ARHGAP42: variants seen among roughly 807,000 people sequenced by gnomAD.
The protein encoded by ARHGAP42 is Rho GTPase activating protein 42, also known as rho GTPase-activating protein 42.
ARHGAP42 carries 63 observed loss-of-function variants against 125.0 expected under a neutral mutation model. The ratio of observed to expected loss-of-function variants is 0.50; its 90% CI spans 0.41 to 0.62. The LOEUF (loss-of-function observed/expected upper bound fraction) is 0.62. Ranked by LOEUF, ARHGAP42 falls within the 20% of genes least tolerant of loss-of-function variation. The probability of loss-of-function intolerance (pLI) is 0.00; values close to 1 mark genes in which losing one functional copy is unlikely to be tolerated. For missense variants in ARHGAP42, 766 were observed against 1,024.2 expected, an observed-to-expected ratio of 0.75 and a Z score of 3.44; for synonymous variants, 339 against 351.0, an observed-to-expected ratio of 0.97 and a Z score of 0.38.
chr11:100,742,635 G>C (rs1374721892), intron 1 of ARHGAP42, among the ~76,000 whole-genome samples: 1 of 151,988 alleles, frequency 6.6e-6, no homozygotes, highest in Non-Finnish European at 1.5e-5. Flanking sequence ...TCTGTATTCT[G>C]ATCTCCTTAG....
chr11:100,688,483 T>C (rs1393812777), intron 1 of ARHGAP42, among the ~76,000 whole-genome samples: 1 of 152,216 alleles, frequency 6.6e-6, no homozygotes, highest in Non-Finnish European at 1.5e-5. Flanking sequence ...ATCAGAACTT[T>C]TGATGATCTG....
At chr11:100,984,969 A>G (rs1858637364) in intron 22 of ARHGAP42, among the ~76,000 whole-genome samples, 1 of 152,148 alleles carries the variant, frequency 6.6e-6, no homozygotes, top group Non-Finnish European at 1.5e-5. Flanking sequence ...GCAGAAGAAA[A>G]TTCCGTCTAG....
chr11:100,859,437 T>C, intron 3 of ARHGAP42, 117 bp from the exon 4 acceptor site: 1 of 782,642 alleles, frequency 1.3e-6, no homozygotes, highest in South Asian at 1.9e-5. Flanking sequence ...GTTGTTTTTA[T>C]AGATGCAAAC....
chr11:100,921,652 G>GA (rs753599212), intron 6 of ARHGAP42, 48 bp downstream of exon 6: 91 of 1,145,772 alleles, frequency 7.9e-5, no homozygotes, highest in Admixed American at 1.7e-4. Flanking sequence ...ACAATCTATG[G>GA]AAAAAAAGTA....
chr11:100,749,219 G>C (rs903196523), intron 1 of ARHGAP42, among the ~76,000 whole-genome samples: 16 of 152,036 alleles, frequency 1.1e-4, no homozygotes, highest in African/African-American at 1.9e-4. Context: ...TTTGTGGAAG[G>C]CTCAACCCCT....
intron 4 of ARHGAP42, among the ~76,000 whole-genome samples, chr11:100,898,450 G>T (rs757694774): frequency 1.3e-5 from 2 of 152,068 alleles, no homozygotes; most frequent in African/African-American, 2.4e-5. Context: ...GTTAGAATTC[G>T]GCTATGAATC....
intron 3 of ARHGAP42, among the ~76,000 whole-genome samples, chr11:100,820,419 T>C (rs1864377691): frequency 2.0e-5 from 3 of 152,156 alleles, no homozygotes; most frequent in African/African-American, 7.2e-5. Flanking sequence ...GAATGTTCTT[T>C]GCTACCATTT....
At chr11:100,929,655 A>G (rs1047033065) in intron 6 of ARHGAP42, among the ~76,000 whole-genome samples, 1 of 152,106 alleles carries the variant, frequency 6.6e-6, no homozygotes, top group African/African-American at 2.4e-5. Context: ...GATTTCTCTG[A>G]TGACTAATAA....
intron 3 of ARHGAP42, chr11:100,816,605 C>CTAA: frequency 6.6e-6 from 1 of 152,192 alleles, no homozygotes; most frequent in East Asian, 1.9e-4. Context: ...TGTAAACAGA[C>CTAA]TAATATAAAG....
chr11:100,713,131 A>T (rs1474373978), intron 1 of ARHGAP42, among the ~76,000 whole-genome samples: 1 of 152,262 alleles, frequency 6.6e-6, no homozygotes, highest in Non-Finnish European at 1.5e-5. Flanking sequence ...CCTGGAAAAC[A>T]GATTTAGGTT....
At chr11:100,726,099 G>A (rs1189017605) in intron 1 of ARHGAP42, among the ~76,000 whole-genome samples, 2 of 122,814 alleles carry the variant, frequency 1.6e-5, no homozygotes, top group Non-Finnish European at 3.5e-5. Context: ...AAAAAAAAAA[G>A]TTACTAGAAC....
At chr11:100,721,041 C>T (rs986605024) in intron 1 of ARHGAP42, among the ~76,000 whole-genome samples, 1 of 151,910 alleles carries the variant, frequency 6.6e-6, no homozygotes, top group African/African-American at 2.4e-5. Context: ...AGTCAAGTTT[C>T]CCCTATTAAC....
chr11:100,916,567 C>T (rs972964834), intron 5 of ARHGAP42, among the ~76,000 whole-genome samples: 1 of 151,970 alleles, frequency 6.6e-6, no homozygotes, highest in Non-Finnish European at 1.5e-5. Context: ...TCAATTTGAT[C>T]AAGATAATAT....
At chr11:100,834,566 G>C (rs939033205) in intron 3 of ARHGAP42, among the ~76,000 whole-genome samples, 1 of 152,148 alleles carries the variant, frequency 6.6e-6, no homozygotes, top group Non-Finnish European at 1.5e-5. Context: ...CAGAATTCGA[G>C]AGACATAGTA....
At chr11:100,922,675 A>G (rs1303407943) in intron 6 of ARHGAP42, among the ~76,000 whole-genome samples, 1 of 152,254 alleles carries the variant, frequency 6.6e-6, no homozygotes, top group Non-Finnish European at 1.5e-5. Flanking sequence ...GGAAGGCAAC[A>G]TTATAAAATA....
chr11:100,908,237 GT>G, intron 4 of ARHGAP42, among the ~76,000 whole-genome samples: 1 of 152,164 alleles, frequency 6.6e-6, no homozygotes, highest in Non-Finnish European at 1.5e-5. Context: ...ATGATTAAGT[GT>G]GGTAAAGTTT....
chr11:100,964,043 A>G (rs1449002851), intron 16 of ARHGAP42, among the ~76,000 whole-genome samples: 4 of 151,842 alleles, frequency 2.6e-5, no homozygotes, highest in Non-Finnish European at 5.9e-5. Flanking sequence ...TATCTTATAT[A>G]TCTTATATAT....
At chr11:100,692,071 A>T (rs945324188) in intron 1 of ARHGAP42, among the ~76,000 whole-genome samples, 3 of 152,234 alleles carry the variant, frequency 2.0e-5, no homozygotes. Context: ...GGACAGCATT[A>T]TCAGCATTCC....
chr11:100,944,252 G>A (rs1334105753), intron 10 of ARHGAP42, among the ~76,000 whole-genome samples: 9 of 152,086 alleles, frequency 5.9e-5, no homozygotes, highest in Middle Eastern at 3.2e-3. Context: ...TAAGATGCAG[G>A]TGGGAATACT....
Sources: gnomAD v4.1 joint callset for allele counts (sites outside exome capture counted in the v4.1 genomes callset) on GRCh38, gnomAD v4.1.1 for gene constraint, MANE v1.5 for transcripts, NCBI Gene and HGNC (gene_info 2026-07-23, HGNC 2026-07-21) for gene names.